Variants in UCHL3 observed in about 807,000 individuals in gnomAD.
The protein encoded by UCHL3 is ubiquitin carboxyl-terminal hydrolase isozyme L3.
Under a neutral mutation model 35.8 loss-of-function variants are expected in UCHL3, and 22 were observed. That is an observed-to-expected ratio of 0.61 (90% CI 0.44 to 0.88). UCHL3 has a LOEUF of 0.88. Among genes scored for constraint, UCHL3 ranks in the 40% least tolerant of loss-of-function variants. UCHL3 has a pLI of 0.00. For missense variants in UCHL3, 229 were observed against 276.9 expected, an observed-to-expected ratio of 0.83 and a Z score of 1.23; for synonymous variants, 90 against 92.8, an observed-to-expected ratio of 0.97 and a Z score of 0.17.
At position 75,590,103 on chromosome 13, in the gene UCHL3, C is replaced by G. The variant is rs757346726; in HGVS notation, c.475-4812C>G. On this transcript the variant is annotated intron_variant, in intron 6 of 8. Transcript: ENST00000377595. ...TCGTCGCTGGCGACCCTTCTTACGTCTACCATCTTTGGGTCTCCATTCTGT... is the reference window on the plus strand; with the variant it reads ...TCGTCGCTGGCGACCCTTCTTACGTGTACCATCTTTGGGTCTCCATTCTGT... 6.2e-5 allele frequency: 81 copies of G among 1,304,090 alleles called. 1 individual carries two copies. The highest frequency in any genetic ancestry group is 1.4e-5 in the Non-Finnish European group (14 of 988,886). The allele number at this position is 1,304,090 out of a possible 1,614,324, so 80.8% of individuals were successfully genotyped here.
Position 75,605,760 on chromosome 13 carries a change from A to C in UCHL3, c.641A>C (p.Glu214Ala), listed in dbSNP as rs773730866. 3 of 1,613,992 alleles carry C rather than the reference A, an allele frequency of 1.9e-6. No individual in the cohort carries two copies. The South Asian group carries it at 3.3e-5, about 18-fold the overall frequency. Reference protein sequence around the residue: ...DAIEVCKKFMERDPDELRFNA... With the variant: ...DAIEVCKKFMARDPDELRFNA... The stretch of plus-strand genomic sequence containing the variant: ...ATAGAAGTTTGCAAGAAGTTTATGG[A>C]GCGCGACCCTGATGAACTAAGATTT... Residue 214 changes from glutamate to alanine, a missense_variant, in exon 9 of 9, where the codon GAG becomes GCG. Coordinates refer to ENST00000377595, the MANE Select transcript of UCHL3 (RefSeq NM_006002.5).
intron 6 of UCHL3, among the ~76,000 whole-genome samples, chr13:75,584,481 A>C (rs2032269954): frequency 1.3e-5 from 2 of 152,176 alleles, no homozygotes; most frequent in South Asian, 4.1e-4. Context: ...TAAAACCCAA[A>C]CAGTAAACTC....
chr13:75,553,468 G>A (rs1266941427), intron 2 of UCHL3, among the ~76,000 whole-genome samples: 1 of 152,112 alleles, frequency 6.6e-6, no homozygotes, highest in Non-Finnish European at 1.5e-5. Context: ...CATCTTTATT[G>A]AAACATTATC....
chr13:75,562,182 T>C (rs1424120811), intron 3 of UCHL3, among the ~76,000 whole-genome samples: 1 of 152,132 alleles, frequency 6.6e-6, no homozygotes, highest in Non-Finnish European at 1.5e-5. Flanking sequence ...ATTTTCTTTA[T>C]GCTATAACAA....
chr13:75,555,634 A>G (rs1214480431), intron 2 of UCHL3, among the ~76,000 whole-genome samples: 1 of 152,086 alleles, frequency 6.6e-6, no homozygotes. Flanking sequence ...ATATATAAGT[A>G]GAAGAATTAT....
intron 7 of UCHL3, among the ~76,000 whole-genome samples, chr13:75,600,927 A>G (rs941198741): frequency 1.3e-5 from 2 of 152,210 alleles, no homozygotes; most frequent in Non-Finnish European, 2.9e-5. Context: ...GATTTATGGG[A>G]AGAGCTCAAA....
chr13:75,578,797 G>A (rs1208542882), intron 6 of UCHL3, among the ~76,000 whole-genome samples: 3 of 152,006 alleles, frequency 2.0e-5, no homozygotes, highest in Non-Finnish European at 2.9e-5. Context: ...GGTAAACAGT[G>A]CATAATTTCT....
intron 6 of UCHL3, among the ~76,000 whole-genome samples, chr13:75,579,395 G>A (rs191825477): frequency 8.6e-5 from 13 of 151,850 alleles, no homozygotes; most frequent in Non-Finnish European, 1.6e-4. Flanking sequence ...TTAATCTTTT[G>A]GAGGCGATTT....
chr13:75,590,177 C>CTTTTTTTTTTTTTT (rs35178906), intron 6 of UCHL3: 4 of 886,424 alleles, frequency 4.5e-6, no homozygotes, highest in Non-Finnish European at 5.8e-6. Context: ...CAAGGGCTGT[C>CTTTTTTTTTTTTTT]TTTTTTTTTT....
At chr13:75,563,300 G>A (rs1481712585) in intron 3 of UCHL3, among the ~76,000 whole-genome samples, 1 of 152,080 alleles carries the variant, frequency 6.6e-6, no homozygotes, top group Admixed American at 6.6e-5. Context: ...CTCAGTCTCT[G>A]GAGTAGCTGG....
chr13:75,568,311 ATGT>A (rs954813455), intron 5 of UCHL3, among the ~76,000 whole-genome samples: 1 of 152,078 alleles, frequency 6.6e-6, no homozygotes, highest in African/African-American at 2.4e-5. Context: ...TGGTTTGATT[ATGT>A]TGTTATGCAT....
intron 7 of UCHL3, among the ~76,000 whole-genome samples, chr13:75,602,481 G>C (rs970524920): frequency 5.9e-5 from 9 of 152,210 alleles, no homozygotes; most frequent in African/African-American, 2.2e-4. Context: ...ACAAGGTGCA[G>C]CTTTTTCCTG....
chr13:75,558,432 G>A (rs775351582), intron 2 of UCHL3, among the ~76,000 whole-genome samples: 19 of 152,146 alleles, frequency 1.2e-4, no homozygotes, highest in Non-Finnish European at 2.4e-4. Context: ...GTGACTTTTA[G>A]TTTGCAGCAC....
At chr13:75,593,619 C>T (rs917277323) in intron 6 of UCHL3, among the ~76,000 whole-genome samples, 18 of 152,146 alleles carry the variant, frequency 1.2e-4, no homozygotes, top group Non-Finnish European at 2.1e-4. Flanking sequence ...AACTAGATAA[C>T]TCTGATTGCT....
chr13:75,592,339 T>G (rs2032498137), intron 6 of UCHL3, among the ~76,000 whole-genome samples: 1 of 146,410 alleles, frequency 6.8e-6, no homozygotes, highest in Non-Finnish European at 1.5e-5. Flanking sequence ...ACTACATCTA[T>G]GAAGTGTCAA....
At chr13:75,604,501 T>C (rs1397210125) in intron 7 of UCHL3, 33 of 319,576 alleles carry the variant, frequency 1.0e-4, no homozygotes, top group South Asian at 3.1e-4. Flanking sequence ...TAATTTTGCG[T>C]ATTATTTTCA....
chr13:75,565,231 G>A (rs2138486133), intron 3 of UCHL3, among the ~76,000 whole-genome samples: 1 of 152,012 alleles, frequency 6.6e-6, no homozygotes, highest in East Asian at 1.9e-4. Flanking sequence ...TTGTCATCAG[G>A]AACATTAACA....
chr13:75,591,845 T>A (rs897242632), intron 6 of UCHL3, among the ~76,000 whole-genome samples: 29 of 152,084 alleles, frequency 1.9e-4, no homozygotes, highest in Non-Finnish European at 8.8e-5. Flanking sequence ...GGATGAGAAG[T>A]GTTTTGGATT....
intron 7 of UCHL3, among the ~76,000 whole-genome samples, chr13:75,597,913 T>C (rs1425941452): frequency 2.6e-5 from 4 of 152,202 alleles, no homozygotes; most frequent in Non-Finnish European, 5.9e-5. Flanking sequence ...TATTTCTCTT[T>C]TGTTATCACC....
Sources: gnomAD v4.1 joint callset for allele counts (sites outside exome capture counted in the v4.1 genomes callset) on GRCh38, gnomAD v4.1.1 for gene constraint, MANE v1.5 for transcripts, NCBI Gene and HGNC (gene_info 2026-07-23, HGNC 2026-07-21) for gene names.